The following PDE4D variants were observed in gnomAD, a reference collection of about 807,000 sequenced individuals.
The protein encoded by PDE4D is phosphodiesterase 4D.
In PDE4D, 24 loss-of-function variants were observed where a neutral mutation model predicts 87.4. That is an observed-to-expected ratio of 0.27 (90% CI 0.20 to 0.39). The LOEUF (loss-of-function observed/expected upper bound fraction) is 0.39, where lower values mean the gene tolerates loss of function less well. PDE4D is among the 10% of genes least tolerant of loss of function. The pLI, the probability that PDE4D is intolerant of heterozygous loss-of-function variation, is 1.00. For missense variants in PDE4D, 714 were observed against 1,041.0 expected, an observed-to-expected ratio of 0.69 and a Z score of 4.32; for synonymous variants, 384 against 383.2, an observed-to-expected ratio of 1.00 and a Z score of -0.02.
At chr5:59,400,848 C>T (rs1401889869) in intron 1 of PDE4D, among the ~76,000 whole-genome samples, 2 of 152,028 alleles carry the variant, frequency 1.3e-5, no homozygotes, top group East Asian at 3.9e-4. Context: ...GTAATACCAA[C>T]AAAAATAATA....
intron 3 of PDE4D, among the ~76,000 whole-genome samples, chr5:59,936,960 A>C (rs1455151512): frequency 6.6e-6 from 1 of 152,234 alleles, no homozygotes; most frequent in Non-Finnish European, 1.5e-5. Flanking sequence ...TCTGGAGAGA[A>C]TAGTCTCTTA....
At chr5:60,007,331 C>T (rs1764589093) in intron 2 of PDE4D, among the ~76,000 whole-genome samples, 1 of 151,742 alleles carries the variant, frequency 6.6e-6, no homozygotes, top group South Asian at 2.1e-4. Flanking sequence ...ATTACAAATA[C>T]CAGGGAATAA....
At position 59,039,078 on chromosome 5, in the gene PDE4D, G is replaced by A. The variant is rs1031691165; in HGVS notation, c.809-107C>T. Reference sequence around the variant, plus strand: ...CATACCCCGCCATGCTCGGATGCCCGGTGCCGGCACATGAGGGCTGCTCCT... The same window carrying A: ...CATACCCCGCCATGCTCGGATGCCCAGTGCCGGCACATGAGGGCTGCTCCT... On this transcript the variant is annotated intron_variant, in intron 5 of 14. Coordinates refer to ENST00000340635, the MANE Select transcript of PDE4D (RefSeq NM_001104631.2). 4.0e-6 allele frequency: 6 copies of A among 1,486,154 alleles called. No individual in the cohort carries two copies. The African/African-American group carries it at 5.7e-5, about 14-fold the overall frequency. 92.1% of individuals were successfully genotyped at this position (1,486,154 alleles called of 1,614,324 possible). A position where few individuals can be genotyped will look rare whatever the true frequency, so the allele number is the denominator to read the frequency against.
chr5:60,370,759 A>ATGTGTG (rs139182100), intron 1 of PDE4D, among the ~76,000 whole-genome samples: 4,077 of 150,188 alleles, frequency 0.027, 82 homozygotes, highest in Middle Eastern at 0.072. Flanking sequence ...TTTTGTGTAT[A>ATGTGTG]TGTGTGTGTG....
intron 1 of PDE4D, among the ~76,000 whole-genome samples, chr5:59,248,552 A>T (rs868271855): frequency 6.6e-6 from 1 of 152,162 alleles, no homozygotes; most frequent in Non-Finnish European, 1.5e-5. Flanking sequence ...TTTCTTCAGG[A>T]GTTAGCAAAT....
intron 1 of PDE4D, among the ~76,000 whole-genome samples, chr5:59,428,128 GTCTAA>G (rs1250179923): frequency 9.9e-5 from 15 of 152,106 alleles, no homozygotes; most frequent in African/African-American, 3.6e-4. Flanking sequence ...GTGGTCATGT[GTCTAA>G]TCTAGGTGAT....
intron 1 of PDE4D, among the ~76,000 whole-genome samples, chr5:59,752,949 G>A (rs565807176): frequency 5.3e-5 from 8 of 152,276 alleles, no homozygotes; most frequent in African/African-American, 1.9e-4. Flanking sequence ...GCCAGTGGGC[G>A]AAATTCAGCC....
intron 2 of PDE4D, among the ~76,000 whole-genome samples, chr5:60,017,088 T>C (rs1392807970): frequency 2.0e-5 from 3 of 152,202 alleles, no homozygotes. Context: ...TTCATCTTCT[T>C]GTATACCTTC....
chr5:59,152,380 T>C (rs1286107661), intron 5 of PDE4D, among the ~76,000 whole-genome samples: 1 of 152,218 alleles, frequency 6.6e-6, no homozygotes, highest in Non-Finnish European at 1.5e-5. Flanking sequence ...CCTTAGTTTT[T>C]CCACATTATA....
intron 2 of PDE4D, among the ~76,000 whole-genome samples, chr5:60,107,711 A>T (rs1305581909): frequency 2.4e-4 from 37 of 152,208 alleles, no homozygotes; most frequent in Admixed American, 1.6e-3. Context: ...AATATACACA[A>T]ATCAATAAAT....
chr5:59,713,465 C>T (rs560188288), intron 1 of PDE4D, among the ~76,000 whole-genome samples: 9 of 152,336 alleles, frequency 5.9e-5, no homozygotes, highest in Admixed American at 3.3e-4. Flanking sequence ...TTTGCACCTA[C>T]GGCTCACACT....
At chr5:60,116,766 G>A (rs1411574732) in intron 2 of PDE4D, among the ~76,000 whole-genome samples, 1 of 151,970 alleles carries the variant, frequency 6.6e-6, no homozygotes, top group African/African-American at 2.4e-5. Flanking sequence ...ATTGCCCATA[G>A]GAAATGACAT....
At chr5:59,138,823 C>G (rs1407142830) in intron 5 of PDE4D, among the ~76,000 whole-genome samples, 1 of 152,188 alleles carries the variant, frequency 6.6e-6, no homozygotes, top group Non-Finnish European at 1.5e-5. Context: ...GTAGCGTCCA[C>G]TCTCAGGAGT....
intron 1 of PDE4D, among the ~76,000 whole-genome samples, chr5:60,517,131 G>A (rs763406654): frequency 2.0e-5 from 3 of 152,216 alleles, no homozygotes; most frequent in African/African-American, 4.8e-5. Flanking sequence ...GCACTGTCAC[G>A]ACCCAGCTGT....
At chr5:60,334,305 C>G (rs182707666) in intron 1 of PDE4D, among the ~76,000 whole-genome samples, 2 of 152,304 alleles carry the variant, frequency 1.3e-5, no homozygotes, top group Admixed American at 1.3e-4. Flanking sequence ...TTGATAACAA[C>G]TCACCCCAGC....
intron 1 of PDE4D, among the ~76,000 whole-genome samples, chr5:59,569,919 T>C (rs1821543802): frequency 6.6e-6 from 1 of 152,234 alleles, no homozygotes; most frequent in South Asian, 2.1e-4. Context: ...TTTTGGGTTA[T>C]TCTGGTTCTA....
At chr5:59,471,804 AT>A (rs1161371895) in intron 1 of PDE4D, among the ~76,000 whole-genome samples, 13 of 152,134 alleles carry the variant, frequency 8.5e-5, no homozygotes, top group Non-Finnish European at 1.5e-4. Context: ...TGTTTTCTTC[AT>A]TTTTAAGGTT....
rs117062461 is a variant in PDE4D at position 59,529,099 on chromosome 5, T to G, written c.456-313131A>C. The G allele has an allele frequency of 9.1e-5, 43 of 471,544 alleles. No individual in the cohort carries two copies. The East Asian group carries it at 2.4e-3, about 26-fold the overall frequency. The allele number at this position is 471,544 out of a possible 1,614,324, so 29.2% of individuals were successfully genotyped here. ...ATGCAAGATCAGCAAATGTCTATTC[T>G]AATTTCAGACTCACTCCTAAAACTC... On this transcript the variant is annotated intron_variant, in intron 1 of 14. Coordinates refer to ENST00000340635, the MANE Select transcript of PDE4D (RefSeq NM_001104631.2).
intron 2 of PDE4D, among the ~76,000 whole-genome samples, chr5:60,144,529 A>G (rs958897090): frequency 2.1e-4 from 32 of 152,202 alleles, no homozygotes; most frequent in Non-Finnish European, 4.1e-4. Context: ...TGCATTGCTC[A>G]CTGCTATTCC....
Sources: allele counts gnomAD v4.1 joint callset (sites outside exome capture counted in the v4.1 genomes callset), GRCh38; gene constraint gnomAD v4.1.1; transcripts MANE v1.5; gene names NCBI Gene and HGNC (gene_info 2026-07-23, HGNC 2026-07-21).